Variants in MYO5C observed in about 807,000 individuals in gnomAD.
MYO5C encodes myosin VC, also known as unconventional myosin-Vc.
MYO5C carries 194 observed loss-of-function variants against 235.7 expected under a neutral mutation model. That is an observed-to-expected ratio of 0.82 (90% CI 0.73 to 0.93). The LOEUF is 0.93. Ranked by LOEUF, MYO5C falls within the 40% of genes least tolerant of loss-of-function variation. The probability of loss-of-function intolerance (pLI) is 0.00; values close to 1 mark genes in which losing one functional copy is unlikely to be tolerated. For missense variants in MYO5C, 2,038 were observed against 2,127.2 expected, an observed-to-expected ratio of 0.96 and a Z score of 0.82; for synonymous variants, 707 against 754.8, an observed-to-expected ratio of 0.94 and a Z score of 1.04.
chr15:52,248,626 T>A (rs1185089154), intron 14 of MYO5C, 74 bp downstream of exon 14: 9 of 1,033,272 alleles, frequency 8.7e-6, no homozygotes, highest in Non-Finnish European at 1.4e-5. Flanking sequence ...TCTCTCTCCT[T>A]ACTCTTTCCT....
intron 1 of MYO5C, among the ~76,000 whole-genome samples, chr15:52,286,337 C>T (rs1229719885): frequency 1.3e-5 from 2 of 150,064 alleles, no homozygotes; most frequent in African/African-American, 2.5e-5. Flanking sequence ...GCCCCCCGCC[C>T]GGCCAGCCGC....
rs569457117 is a variant in MYO5C, at chr15:52,192,956, A to C, written c.*946T>G. On this transcript the variant is annotated 3_prime_UTR_variant, in exon 41 of 41. Transcript: ENST00000261839. ...GGCAATTAAGCTTTAATAATATATT[A>C]GTTTTAAATAGATATACATATAAAA... 16 of 152,326 alleles carry C rather than the reference A, an allele frequency of 1.1e-4. No individual in the cohort carries two copies. The highest frequency in any genetic ancestry group is 3.6e-4 in the African/African-American group (15 of 41,582). 9.4% of individuals were successfully genotyped at this position (152,326 alleles called of 1,614,324 possible). A position where few individuals can be genotyped will look rare whatever the true frequency, so the allele number is the denominator to read the frequency against.
chr15:52,204,257 C>T (rs6493545), intron 38 of MYO5C, among the ~76,000 whole-genome samples: 120,293 of 151,382 alleles, frequency 0.79, 49,148 homozygotes, highest in Non-Finnish European at 0.89. Flanking sequence ...CACCAGCCTC[C>T]GCTTACTCCA....
chr15:52,229,456 C>G, intron 24 of MYO5C, 143 bp from the exon 25 acceptor site: 4 of 712,018 alleles, frequency 5.6e-6, no homozygotes, highest in Non-Finnish European at 6.7e-6. Context: ...AGACCCCGTC[C>G]CCACTAAAAA....
chr15:52,279,042 T>C (rs753631312), intron 3 of MYO5C, 25 bp from the exon 4 acceptor site: 1 of 1,588,210 alleles, frequency 6.3e-7, no homozygotes, highest in South Asian at 1.1e-5. Flanking sequence ...TAGATGCAGT[T>C]AAAATACTCT....
intron 8 of MYO5C, among the ~76,000 whole-genome samples, chr15:52,266,290 G>C (rs918022644): frequency 6.6e-6 from 1 of 152,172 alleles, no homozygotes; most frequent in African/African-American, 2.4e-5. Flanking sequence ...CAAGTTCCTA[G>C]AGCCTGAGGT....
chr15:52,250,225 CT>C lies in MYO5C; in HGVS notation c.1662+1164del, dbSNP rs202038053. ...AAAAGTCTAAGCACTAAAAACTTAT[CT>C]TTTTTTTTTCTTTTTCTTTTTCTTT... On this transcript the variant is annotated intron_variant, in intron 13 of 40. Transcript: ENST00000261839. 5.9e-4 allele frequency among the ~76,000 whole-genome samples: 83 copies of C among 140,410 alleles called. 1 individual carries two copies. Among genetic ancestry groups the C allele is most frequent in the East Asian group, 5.3e-3 (25 of 4,720 alleles). 92.1% of individuals were successfully genotyped at this position (140,410 alleles called of 152,430 possible). A position where few individuals can be genotyped will look rare whatever the true frequency, so the allele number is the denominator to read the frequency against.
intron 1 of MYO5C, among the ~76,000 whole-genome samples, chr15:52,284,003 G>A (rs1203706152): frequency 2.0e-5 from 3 of 152,082 alleles, no homozygotes; most frequent in Non-Finnish European, 2.9e-5. Context: ...CCTTATAAGA[G>A]ACACCTGAGA....
At chr15:52,204,726 A>C (rs1293458875) in intron 38 of MYO5C, 139 bp downstream of exon 38, 1 of 1,056,986 alleles carries the variant, frequency 9.5e-7, no homozygotes, top group Non-Finnish European at 1.3e-6. Flanking sequence ...TCCTAGGGTG[A>C]CTCGAATATC....
At chr15:52,235,390 G>A (rs1389952307) in intron 23 of MYO5C, among the ~76,000 whole-genome samples, 4 of 152,114 alleles carry the variant, frequency 2.6e-5, no homozygotes, top group Non-Finnish European at 4.4e-5. Context: ...CAAAAGCTCC[G>A]GGCTCATGGT....
At position 52,269,415 on chromosome 15, in the gene MYO5C, G is replaced by C. The variant is rs535205174; in HGVS notation, c.940+338C>G. ...TTTTTTTTTTTTTTTTTTTTTAAGA[G>C]AGAGTCTTGATCTGTTGCCAGGCTG... On this transcript the variant is annotated intron_variant, in intron 8 of 40. Transcript: ENST00000261839. Among the ~76,000 whole-genome samples the C allele has an allele frequency of 9.3e-4, 109 of 117,004 alleles. 1 individual carries two copies. Among genetic ancestry groups the C allele is most frequent in the African/African-American group, 3.3e-3 (106 of 32,184 alleles). 76.8% of individuals were successfully genotyped at this position (117,004 alleles called of 152,430 possible). A position where few individuals can be genotyped will look rare whatever the true frequency, so the allele number is the denominator to read the frequency against.
chr15:52,206,505 C>T (rs1224574126), intron 36 of MYO5C, among the ~76,000 whole-genome samples: 2 of 152,008 alleles, frequency 1.3e-5, no homozygotes, highest in East Asian at 1.9e-4. Context: ...AGGATAGGGC[C>T]GTGATCTAAT....
intron 21 of MYO5C, among the ~76,000 whole-genome samples, chr15:52,239,484 G>A (rs1368344216): frequency 1.3e-5 from 2 of 152,212 alleles, no homozygotes; most frequent in East Asian, 1.9e-4. Flanking sequence ...CTTGGCAAGC[G>A]GAGCCAGGCT....
rs570593170 is a variant in MYO5C at position 52,288,899 on chromosome 15, C to T, written c.28-6007G>A. ...CCACTGAACCTTATGAGCTCAAGACCATGCCAGCCACCCCCCCAAGGCACA... is the reference window on the plus strand; with the variant it reads ...CCACTGAACCTTATGAGCTCAAGACTATGCCAGCCACCCCCCCAAGGCACA... On this transcript the variant is annotated intron_variant, in intron 1 of 40. Coordinates refer to ENST00000261839, the MANE Select transcript of MYO5C (RefSeq NM_018728.4). 7.9e-5 allele frequency among the ~76,000 whole-genome samples: 12 copies of T among 152,300 alleles called. No homozygotes were observed. The South Asian group carries it at 2.5e-3, about 32-fold the overall frequency.
chr15:52,258,659 C>A (rs529311467), intron 10 of MYO5C, among the ~76,000 whole-genome samples: 2 of 152,110 alleles, frequency 1.3e-5, no homozygotes, highest in African/African-American at 2.4e-5. Flanking sequence ...CTGGAGGGGG[C>A]GGGAAAGGCT....
chr15:52,239,710 A>T (rs987993375), intron 21 of MYO5C, 23 bp downstream of exon 21: 18 of 1,568,062 alleles, frequency 1.1e-5, no homozygotes, highest in Admixed American at 1.9e-5. Context: ...AGTAAATGTA[A>T]AAGATGCACT....
intron 28 of MYO5C, among the ~76,000 whole-genome samples, chr15:52,224,371 C>T (rs2035772503): frequency 6.6e-6 from 1 of 152,186 alleles, no homozygotes; most frequent in Non-Finnish European, 1.5e-5. Context: ...ACAGAATGTA[C>T]ACCAAGAGTG....
chr15:52,193,971 G>A lies in MYO5C; in HGVS notation c.5160C>T (p.Pro1720=), dbSNP rs111952796. The change falls in exon 41 of 41, where the codon CCC becomes CCT. Residue 1720 remains proline (P), a synonymous_variant. Transcript: ENST00000261839. Reference sequence around the variant, plus strand: ...GAATCATTTCCAGAGCATGTGGAGAGGGGGTAAAAGGAAATGTGACTTGAA... The same window carrying A: ...GAATCATTTCCAGAGCATGTGGAGAAGGGGTAAAAGGAAATGTGACTTGAA... ...YLFQVTFPFT[P]SPHALEMIQI... The A allele has an allele frequency of 3.7e-4, 597 of 1,613,724 alleles. 4 individuals are homozygous for A. In the African/African-American group the frequency reaches 6.9e-3, roughly 19 times the overall value.
chr15:52,247,087 C>G, intron 15 of MYO5C, 73 bp from the exon 16 acceptor site: 1 of 1,337,060 alleles, frequency 7.5e-7, no homozygotes, highest in South Asian at 1.3e-5. Context: ...AAAAGCAGCC[C>G]AACCTTGTTA....
Sources: allele counts gnomAD v4.1 joint callset (sites outside exome capture counted in the v4.1 genomes callset), GRCh38; gene constraint gnomAD v4.1.1; transcripts MANE v1.5; gene names NCBI Gene and HGNC (gene_info 2026-07-23, HGNC 2026-07-21).